Variants in AGPS observed in about 807,000 individuals in gnomAD.
AGPS encodes the protein alkylglycerone phosphate synthase, also known as alkyldihydroxyacetonephosphate synthase, peroxisomal.
A neutral mutation model predicts 90.7 loss-of-function variants in AGPS; 26 were observed. The observed-to-expected ratio is 0.29, with a 90% confidence interval of 0.21 to 0.40. The LOEUF is 0.40. Among genes scored for constraint, AGPS ranks in the 10% least tolerant of loss-of-function variants. AGPS has a pLI of 1.00. For missense variants in AGPS, 540 were observed against 816.1 expected, an observed-to-expected ratio of 0.66 and a Z score of 4.12; for synonymous variants, 294 against 285.3, an observed-to-expected ratio of 1.03 and a Z score of -0.31.
intron 5 of AGPS, among the ~76,000 whole-genome samples, chr2:177,439,018 TGTA>T (rs1362856324): frequency 6.6e-6 from 1 of 150,714 alleles, no homozygotes; most frequent in Admixed American, 6.6e-5. Flanking sequence ...GGAAATCTGT[TGTA>T]GTTGTCTTTA....
Position 177,434,327 on chromosome 2 carries a change from G to A in AGPS, c.351G>A (p.Arg117=). Residue 117 remains arginine (R), a splice_region_variant and synonymous_variant, in exon 3 of 20, where the codon AGG becomes AGA. Coordinates refer to ENST00000264167, the MANE Select transcript of AGPS (RefSeq NM_003659.4). ...KKGQIELTGK[R]YPLSGMGLPT... is the part of the protein sequence containing the mutation. ...TATTTTTACTTTCTTTGTACCTTAG[G>A]TACCCTCTTAGTGGCATGGGTTTAC... 6.2e-7 allele frequency: 1 copy of A among 1,603,618 alleles called. No homozygotes were observed. The highest frequency in any genetic ancestry group is 8.5e-7 in the Non-Finnish European group (1 of 1,171,470).
Position 177,513,992 on chromosome 2 carries a change from T to C in AGPS, c.1697+84T>C, listed in dbSNP as rs1005426213. 5.3e-5 allele frequency: 56 copies of C among 1,058,020 alleles called. No homozygotes were observed. In the African/African-American group the frequency reaches 7.9e-4, roughly 15 times the overall value. The allele number at this position is 1,058,020 out of a possible 1,614,324, so 65.5% of individuals were successfully genotyped here. A position where few individuals can be genotyped will look rare whatever the true frequency, so the allele number is the denominator to read the frequency against. ...AAGGGGGGGAATATAATTTTCCAGCTGAGAAAAAGCTTCAGTCTATTACAT... is the reference window on the plus strand; with the variant it reads ...AAGGGGGGGAATATAATTTTCCAGCCGAGAAAAAGCTTCAGTCTATTACAT... On this transcript the variant is annotated intron_variant, in intron 17 of 19. Transcript: ENST00000264167.
chr2:177,455,150 G>A (rs1687074622), intron 8 of AGPS, among the ~76,000 whole-genome samples: 1 of 152,130 alleles, frequency 6.6e-6, no homozygotes, highest in Non-Finnish European at 1.5e-5. Context: ...CTGGTCTTTG[G>A]TATTTCACTC....
In AGPS at chr2:177,491,920, G is replaced by T. The variant is rs1688276624; in HGVS notation, c.1234-1228G>T. 1.3e-5 allele frequency among the ~76,000 whole-genome samples: 2 copies of T among 151,676 alleles called. 1 individual carries two copies. Among genetic ancestry groups the T allele is most frequent in the South Asian group, 4.2e-4 (2 of 4,810 alleles). ...CATGCCTCAGCCTCCCAAGTAGCTG[G>T]GATTATAGGTGTATACCACCACGCC... On this transcript the variant is annotated intron_variant, in intron 11 of 19. Coordinates refer to ENST00000264167, the MANE Select transcript of AGPS (RefSeq NM_003659.4).
At position 177,393,295 on chromosome 2, in the gene AGPS, T is replaced by C. The variant is rs1205352821; in HGVS notation, c.260+246T>C. Reference sequence around the variant, plus strand: ...GGGTAACAGGCTTGAAGAACTCTCGTTGGAGAAGGGTTTAAAGGATTCCTT... The same window carrying C: ...GGGTAACAGGCTTGAAGAACTCTCGCTGGAGAAGGGTTTAAAGGATTCCTT... On this transcript the variant is annotated intron_variant, in intron 1 of 19. Coordinates refer to ENST00000264167, the MANE Select transcript of AGPS (RefSeq NM_003659.4). The C allele has an allele frequency of 2.1e-5, 21 of 985,214 alleles. No individual in the cohort carries two copies. The South Asian group carries it at 6.1e-4, about 29-fold the overall frequency. 61.0% of individuals were successfully genotyped at this position (985,214 alleles called of 1,614,324 possible).
At position 177,505,615 on chromosome 2, in the gene AGPS, T is replaced by C; in HGVS notation, c.1545+40T>C. 4 of 1,536,552 alleles carry C rather than the reference T, an allele frequency of 2.6e-6. 1 individual carries two copies. The South Asian group carries it at 4.5e-5, about 17-fold the overall frequency. On this transcript the variant is annotated intron_variant, in intron 15 of 19. Coordinates refer to ENST00000264167, the MANE Select transcript of AGPS (RefSeq NM_003659.4). ...ATTTCCCTTGCCACTTAATTTATGTTGCAAACAATACTTTTTCTTACTTTA... is the reference window on the plus strand; with the variant it reads ...ATTTCCCTTGCCACTTAATTTATGTCGCAAACAATACTTTTTCTTACTTTA...
intron 12 of AGPS, 58 bp from the exon 13 acceptor site, chr2:177,497,630 TC>T: frequency 2.1e-6 from 2 of 972,326 alleles, no homozygotes; most frequent in Non-Finnish European, 3.0e-6. Flanking sequence ...TGGAGTAGCT[TC>T]TTGATCTTCT....
intron 1 of AGPS, among the ~76,000 whole-genome samples, chr2:177,408,266 C>G (rs764370446): frequency 5.6e-4 from 85 of 152,142 alleles, no homozygotes; most frequent in Non-Finnish European, 1.1e-3. Context: ...TCTTAGTAGT[C>G]ATGGCTCACC....
At chr2:177,421,589 C>T (rs73029117) in intron 2 of AGPS, among the ~76,000 whole-genome samples, 2,568 of 151,594 alleles carry the variant, frequency 0.017, 70 homozygotes, top group African/African-American at 0.057. Context: ...GTTCTCATTC[C>T]CATCCTTAAT....
At chr2:177,445,018 T>A (rs1478204747) in intron 7 of AGPS, among the ~76,000 whole-genome samples, 5 of 152,212 alleles carry the variant, frequency 3.3e-5, no homozygotes, top group Admixed American at 3.3e-4. Flanking sequence ...AAAGTAGGGA[T>A]GCCATCTGCT....
intron 16 of AGPS, among the ~76,000 whole-genome samples, chr2:177,510,006 A>G (rs1244616491): frequency 1.3e-5 from 2 of 152,156 alleles, no homozygotes; most frequent in Non-Finnish European, 2.9e-5. Flanking sequence ...AATACAACAC[A>G]AGACAAGGGA....
chr2:177,435,001 A>ATATATATG (rs1686358754), intron 3 of AGPS, among the ~76,000 whole-genome samples: 1 of 143,982 alleles, frequency 6.9e-6, no homozygotes, highest in Admixed American at 6.8e-5. Context: ...CTGTAGGTAT[A>ATATATATG]TATATATATA....
At chr2:177,502,044 C>T (rs148877174) in intron 14 of AGPS, among the ~76,000 whole-genome samples, 51 of 152,298 alleles carry the variant, frequency 3.3e-4, no homozygotes, top group African/African-American at 1.2e-3. Context: ...CCAATTAAAA[C>T]TATAAGTGAA....
intron 10 of AGPS, among the ~76,000 whole-genome samples, chr2:177,472,837 C>T (rs1287567023): frequency 2.0e-5 from 3 of 151,936 alleles, no homozygotes; most frequent in Non-Finnish European, 4.4e-5. Context: ...GCAAGGAGTC[C>T]ACATACTTTT....
chr2:177,500,311 T>C (rs1688522912), intron 14 of AGPS, among the ~76,000 whole-genome samples: 1 of 152,032 alleles, frequency 6.6e-6, no homozygotes. Flanking sequence ...TGATGAGAAC[T>C]ATAGTGAAAA....
At chr2:177,501,268 A>G (rs1688554200) in intron 14 of AGPS, among the ~76,000 whole-genome samples, 1 of 152,108 alleles carries the variant, frequency 6.6e-6, no homozygotes, top group African/African-American at 2.4e-5. Context: ...ACACCTCCAC[A>G]TCTGTACACA....
At chr2:177,537,019 T>A (rs1307289062) in intron 19 of AGPS, among the ~76,000 whole-genome samples, 2 of 152,200 alleles carry the variant, frequency 1.3e-5, no homozygotes, top group Admixed American at 6.5e-5. Context: ...TCACTGTTGA[T>A]GACTTTGGAT....
At chr2:177,478,060 C>G in intron 10 of AGPS, among the ~76,000 whole-genome samples, 1 of 152,074 alleles carries the variant, frequency 6.6e-6, no homozygotes, top group East Asian at 1.9e-4. Flanking sequence ...GTCCTCTCAG[C>G]TTTTATCTGG....
In AGPS at chr2:177,436,973, A is replaced by C; in HGVS notation, c.563-7A>C. ...TTGTGTTTTTCTTTTTTTTAACCAC[A>C]AAACAGGTCATTGTCTTCATGAGAT... On this transcript the variant is annotated splice_region_variant and splice_polypyrimidine_tract_variant and intron_variant, in intron 4 of 19. Coordinates refer to ENST00000264167, the MANE Select transcript of AGPS (RefSeq NM_003659.4). 1 of 1,613,376 alleles carries C rather than the reference A, an allele frequency of 6.2e-7. No homozygotes were observed. The highest frequency in any genetic ancestry group is 1.1e-5 in the South Asian group (1 of 90,918).
Sources: allele counts gnomAD v4.1 joint callset (sites outside exome capture counted in the v4.1 genomes callset), GRCh38; gene constraint gnomAD v4.1.1; transcripts MANE v1.5; gene names NCBI Gene and HGNC (gene_info 2026-07-23, HGNC 2026-07-21).